The following IRAK1BP1 variants were observed in gnomAD, a reference collection of about 807,000 sequenced individuals.
IRAK1BP1 encodes interleukin 1 receptor associated kinase 1 binding protein 1, also known as interleukin-1 receptor-associated kinase 1-binding protein 1.
In IRAK1BP1, 24 loss-of-function variants were observed where a neutral mutation model predicts 28.0. That is an observed-to-expected ratio of 0.86 (90% CI 0.62 to 1.20). The LOEUF is 1.20. IRAK1BP1 is among the 50% of genes most tolerant of loss of function. IRAK1BP1 has a pLI of 0.00. For synonymous variants in IRAK1BP1, 131 were observed against 116.3 expected (o/e 1.13, Z -0.81); for missense variants, 336 against 316.7 (o/e 1.06, Z -0.46).
intron 4 of IRAK1BP1, among the ~76,000 whole-genome samples, chr6:78,932,984 T>C (rs551081806): frequency 2.0e-5 from 3 of 152,198 alleles, no homozygotes; most frequent in African/African-American, 7.2e-5. Context: ...ACAGATGGGC[T>C]GTCATGCAGG....
Position 78,921,269 on chromosome 6 carries a change from G to A in IRAK1BP1, c.*67+18159G>A, listed in dbSNP as rs114030115. On this transcript the variant is annotated intron_variant and NMD_transcript_variant, in intron 4 of 4. Transcript: ENST00000606868. ...ACGATCTTCGCAAACGGCACACCAG[G>A]TGATTGTATCCCACCCCTGGCTTGG... is the stretch of plus-strand genomic sequence containing the variant. 4.3e-3 allele frequency among the ~76,000 whole-genome samples: 656 copies of A among 152,282 alleles called. 2 individuals carry two copies. The highest frequency in any genetic ancestry group is 0.014 in the African/African-American group (595 of 41,566).
At chr6:78,886,161 G>T (rs887440225) in intron 2 of IRAK1BP1, among the ~76,000 whole-genome samples, 5 of 152,132 alleles carry the variant, frequency 3.3e-5, no homozygotes, top group African/African-American at 1.2e-4. Flanking sequence ...GAAGTAGAAA[G>T]TATCTCCATC....
chr6:78,959,334 T>C, the IRAK1BP1 span, among the ~76,000 whole-genome samples: 16 of 152,084 alleles, frequency 1.1e-4, no homozygotes, highest in Non-Finnish European at 1.6e-4. Context: ...CTGTATCTAA[T>C]TGTGGACATA....
downstream of IRAK1BP1, chr6:78,946,727 T>C (rs1270318198): frequency 3.2e-6 from 5 of 1,578,018 alleles, no homozygotes; most frequent in Non-Finnish European, 4.3e-6. Context: ...GCAGCACTAC[T>C]GGAAACAGAG....
chr6:78,959,656 CAG>C, the IRAK1BP1 span, among the ~76,000 whole-genome samples: 1 of 152,062 alleles, frequency 6.6e-6, no homozygotes, highest in Non-Finnish European at 1.5e-5. Context: ...AGGTTTATAA[CAG>C]AGTTTATTAT....
intron 1 of IRAK1BP1, among the ~76,000 whole-genome samples, chr6:78,879,339 T>C (rs1771135085): frequency 1.3e-5 from 2 of 152,104 alleles, no homozygotes; most frequent in African/African-American, 4.8e-5. Flanking sequence ...CTGTAGAACT[T>C]AAAGTATAAT....
At chr6:78,947,773 G>A, downstream of IRAK1BP1, 3 of 1,601,696 alleles carry the variant, frequency 1.9e-6, no homozygotes, top group Non-Finnish European at 1.7e-6. Flanking sequence ...TGTCTCTGTA[G>A]TCCTAGGAGA....
chr6:78,964,901 CCTT>C, the IRAK1BP1 span, among the ~76,000 whole-genome samples: 1 of 152,112 alleles, frequency 6.6e-6, no homozygotes, highest in Non-Finnish European at 1.5e-5. Flanking sequence ...TCGACAATAT[CCTT>C]CTAATCCCTT....
chr6:78,954,228 A>T, the IRAK1BP1 span, among the ~76,000 whole-genome samples: 2 of 151,216 alleles, frequency 1.3e-5, no homozygotes, highest in Non-Finnish European at 2.9e-5. Flanking sequence ...CAGCCTCCCA[A>T]GTAGCTGGGA....
intron 4 of IRAK1BP1, chr6:78,941,345 C>G: frequency 6.3e-7 from 1 of 1,590,218 alleles, no homozygotes. Flanking sequence ...AAGGGAACAA[C>G]AGTACACTTA....
intron 1 of IRAK1BP1, among the ~76,000 whole-genome samples, chr6:78,879,417 A>G (rs1157106560): frequency 6.6e-6 from 1 of 152,224 alleles, no homozygotes; most frequent in African/African-American, 2.4e-5. Flanking sequence ...TGGTTCTAAG[A>G]TTGTTTTTCA....
chr6:78,912,913 A>G (rs979776081), intron 4 of IRAK1BP1, among the ~76,000 whole-genome samples: 29 of 152,222 alleles, frequency 1.9e-4, no homozygotes, highest in Middle Eastern at 3.2e-3. Flanking sequence ...TCTGCAATTT[A>G]TTAAATTTAT....
chr6:78,954,697 G>A, the IRAK1BP1 span: 2 of 664,640 alleles, frequency 3.0e-6, no homozygotes, highest in African/African-American at 3.8e-5. Context: ...ATGAGAACAT[G>A]TATAAAATAA....
At chr6:78,923,563 C>G (rs970266752) in intron 4 of IRAK1BP1, among the ~76,000 whole-genome samples, 10 of 152,148 alleles carry the variant, frequency 6.6e-5, no homozygotes, top group Non-Finnish European at 1.3e-4. Flanking sequence ...CTGCACCAAG[C>G]AGACCTAATA....
At chr6:78,962,590 T>C in the IRAK1BP1 span, among the ~76,000 whole-genome samples, 1 of 152,150 alleles carries the variant, frequency 6.6e-6, no homozygotes, top group Non-Finnish European at 1.5e-5. Flanking sequence ...CCACATAATC[T>C]AGTTACTTCA....
At chr6:78,897,000 C>T (rs974175349) in intron 2 of IRAK1BP1, among the ~76,000 whole-genome samples, 16 of 151,890 alleles carry the variant, frequency 1.1e-4, no homozygotes, top group African/African-American at 3.9e-4. Context: ...TGTGGTGTCT[C>T]ATGTCTACAA....
the IRAK1BP1 span, among the ~76,000 whole-genome samples, chr6:78,975,972 G>GCCATC: frequency 6.6e-6 from 1 of 151,688 alleles, no homozygotes; most frequent in Admixed American, 6.6e-5. Context: ...CAGATTCAAT[G>GCCATC]CCATCCCCAT....
At chr6:78,978,102 A>T in the IRAK1BP1 span, among the ~76,000 whole-genome samples, 2 of 152,118 alleles carry the variant, frequency 1.3e-5, no homozygotes, top group Non-Finnish European at 2.9e-5. Context: ...CAATGGTCTC[A>T]TCCTCAGTTT....
intron 4 of IRAK1BP1, among the ~76,000 whole-genome samples, chr6:78,941,740 A>G (rs1222392787): frequency 6.6e-6 from 1 of 152,196 alleles, no homozygotes; most frequent in East Asian, 1.9e-4. Context: ...GAAAAGTCCT[A>G]TCTCCTTGTG....
Sources: gnomAD v4.1 joint callset for allele counts (sites outside exome capture counted in the v4.1 genomes callset) on GRCh38, gnomAD v4.1.1 for gene constraint, MANE v1.5 for transcripts, NCBI Gene and HGNC (gene_info 2026-07-23, HGNC 2026-07-21) for gene names.